Variants in TDO2 observed in about 807,000 individuals in gnomAD.
TDO2 encodes the protein tryptophan 2,3-dioxygenase.
In TDO2, 63 loss-of-function variants were observed where a neutral mutation model predicts 61.2. The observed-to-expected ratio is 1.03, with a 90% CI of 0.84 to 1.27. TDO2 has a LOEUF of 1.27. Ranked by LOEUF, TDO2 falls within the 50% of genes most tolerant of loss-of-function variation. TDO2 has a pLI of 0.00. For missense variants in TDO2, 494 were observed against 469.5 expected (o/e 1.05, Z -0.48); for synonymous variants, 183 against 164.0 (o/e 1.12, Z -0.89).
chr4:155,915,214 T>G (rs1742909449), intron 8 of TDO2, among the ~76,000 whole-genome samples: 1 of 152,190 alleles, frequency 6.6e-6, no homozygotes, highest in Non-Finnish European at 1.5e-5. Context: ...TCCCAAACCT[T>G]TTTGGAAATA....
intron 10 of TDO2, 76 bp downstream of exon 10, chr4:155,917,550 C>A: frequency 1.7e-6 from 2 of 1,182,064 alleles, no homozygotes; most frequent in Non-Finnish European, 2.4e-6. Flanking sequence ...CTTCTGTGTG[C>A]CCTCCTGCCC....
rs140817974 is a variant in TDO2 at position 155,916,098 on chromosome 4, A to T, written c.896+186A>T. On this transcript the variant is annotated intron_variant, in intron 9 of 11. Coordinates refer to ENST00000536354, the MANE Select transcript of TDO2 (RefSeq NM_005651.4). ...CCCTTTTTTTTTCTTTTAAATAGTA[A>T]AGGCATAACTTTTTCCCTGAACAGG... 5.6e-3 allele frequency among the ~76,000 whole-genome samples: 850 copies of T among 152,054 alleles called. 6 individuals are homozygous for T. Among genetic ancestry groups the T allele is most frequent in the African/African-American group, 0.02 (814 of 41,476 alleles).
Position 155,909,074 on chromosome 4 carries a change from T to G in TDO2, c.431+60T>G. 3 of 1,502,124 alleles carry G rather than the reference T, an allele frequency of 2.0e-6. No homozygotes were observed. In the South Asian group the frequency reaches 3.9e-5, roughly 20 times the overall value. 93.0% of individuals were successfully genotyped at this position (1,502,124 alleles called of 1,614,324 possible). ...AATTTACTTTCTCATTTTGGTGGGG[T>G]AAAAGCAGCATGTGTGTGTTTTGTG... On this transcript the variant is annotated intron_variant, in intron 5 of 11. Transcript: ENST00000536354.
intron 7 of TDO2, among the ~76,000 whole-genome samples, chr4:155,912,601 A>G (rs1208179068): frequency 6.6e-6 from 1 of 151,762 alleles, no homozygotes; most frequent in Non-Finnish European, 1.5e-5. Context: ...ACTTGCTCTT[A>G]TTTCTCTCTC....
At position 155,915,544 on chromosome 4, in the gene TDO2, C is replaced by G. The variant is rs753930183; in HGVS notation, c.839-311C>G. 1.3e-5 allele frequency among the ~76,000 whole-genome samples: 2 copies of G among 152,144 alleles called. 1 individual carries two copies. The highest frequency in any genetic ancestry group is 6.3e-3 in the Middle Eastern group (2 of 316). On this transcript the variant is annotated intron_variant, in intron 8 of 11. Coordinates refer to ENST00000536354, the MANE Select transcript of TDO2 (RefSeq NM_005651.4). ...GAAATGAAAGACACATATTCTTTTA[C>G]TCGGAAAATGAATTTTATTATGAAA...
At chr4:155,919,267 CCAGATTTATTTAA>C (rs1258986234) in intron 11 of TDO2, among the ~76,000 whole-genome samples, 4 of 152,072 alleles carry the variant, frequency 2.6e-5, no homozygotes, top group Non-Finnish European at 5.9e-5. Flanking sequence ...GAATTTGAAC[CCAGATTTATTTAA>C]CTTCAAAGGC....
chr4:155,905,234 C>A, intron 3 of TDO2, 77 bp downstream of exon 3: 1 of 1,072,316 alleles, frequency 9.3e-7, no homozygotes, highest in Non-Finnish European at 1.4e-6. Flanking sequence ...AATTTTTAAA[C>A]TACAAAATGA....
In TDO2 at chr4:155,920,116, A is replaced by G; in HGVS notation, c.*126A>G. The G allele has an allele frequency of 1.2e-6, 1 of 839,318 alleles. No individual in the cohort carries two copies. The highest frequency in any genetic ancestry group is 3.0e-5 in the Admixed American group (1 of 33,182). The allele number at this position is 839,318 out of a possible 1,614,324, so 52.0% of individuals were successfully genotyped here. A position where few individuals can be genotyped will look rare whatever the true frequency, so the allele number is the denominator to read the frequency against. On this transcript the variant is annotated 3_prime_UTR_variant, in exon 12 of 12. Coordinates refer to ENST00000536354, the MANE Select transcript of TDO2 (RefSeq NM_005651.4). ...GTTCAGCACCACGATGCTCTGATTT[A>G]ATTCTAGAAACAATTTGATTACCTC...
rs1447352589 is a variant in TDO2, at chr4:155,920,051, A to G, written c.*61A>G. 6.7e-7 allele frequency: 1 copy of G among 1,500,610 alleles called. No homozygotes were observed. Among genetic ancestry groups the G allele is most frequent in the African/African-American group, 1.4e-5 (1 of 71,628 alleles). 93.0% of individuals were successfully genotyped at this position (1,500,610 alleles called of 1,614,324 possible). On this transcript the variant is annotated 3_prime_UTR_variant, in exon 12 of 12. Transcript: ENST00000536354. ...ACAGCCTATTTTTTATTTTCTATGG[A>G]TTTTCATAAATACAGTTTGAATATA...
intron 6 of TDO2, among the ~76,000 whole-genome samples, chr4:155,910,636 C>T (rs1742812714): frequency 6.6e-6 from 1 of 152,090 alleles, no homozygotes; most frequent in South Asian, 2.1e-4. Context: ...ATATACACCT[C>T]AGAAAATGTT....
intron 5 of TDO2, 96 bp downstream of exon 5, chr4:155,909,110 C>T: frequency 2.3e-6 from 3 of 1,282,882 alleles, no homozygotes; most frequent in Non-Finnish European, 3.1e-6. Flanking sequence ...CCATGAGGAG[C>T]CTGTCTTACT....
intron 9 of TDO2, among the ~76,000 whole-genome samples, chr4:155,916,313 G>T (rs377310566): frequency 6.9e-6 from 1 of 143,912 alleles, no homozygotes; most frequent in Non-Finnish European, 1.5e-5. Flanking sequence ...GACTACAGGC[G>T]CCCACCACCA....
At position 155,919,824 on chromosome 4, in the gene TDO2, T is replaced by G; in HGVS notation, c.1068-13T>G. ...TCAACCAATGTAACACATCTTCATG[T>G]ATGTTTTTCCAGTGATAGGTACAAG... On this transcript the variant is annotated splice_polypyrimidine_tract_variant and intron_variant, in intron 11 of 11. Coordinates refer to ENST00000536354, the MANE Select transcript of TDO2 (RefSeq NM_005651.4). 1.3e-6 allele frequency: 2 copies of G among 1,588,748 alleles called. No individual in the cohort carries two copies. Among genetic ancestry groups the G allele is most frequent in the Non-Finnish European group, 1.7e-6 (2 of 1,168,638 alleles).
chr4:155,916,447 C>CAT (rs1227796703), intron 9 of TDO2, among the ~76,000 whole-genome samples: 369 of 2,068 alleles, frequency 0.18, 7 homozygotes, highest in Middle Eastern at 0.5. Flanking sequence ...GGATTACAAG[C>CAT]GTCTAAAAAG....
At chr4:155,912,880 C>T (rs2110877080) in intron 7 of TDO2, among the ~76,000 whole-genome samples, 1 of 152,248 alleles carries the variant, frequency 6.6e-6, no homozygotes. Flanking sequence ...CACTCTTGTA[C>T]CAACATTGTC....
At chr4:155,906,255 G>T (rs944482036) in intron 3 of TDO2, 4 of 151,956 alleles carry the variant, frequency 2.6e-5, no homozygotes, top group African/African-American at 9.7e-5. Context: ...TGCAACAAAT[G>T]GTAGCTATCA....
At chr4:155,907,655 C>A (rs1742741764) in intron 3 of TDO2, 67 bp from the exon 4 acceptor site, 3 of 993,178 alleles carry the variant, frequency 3.0e-6, no homozygotes, top group Non-Finnish European at 4.7e-6. Context: ...TTAAACATAT[C>A]TTTCATATAA....
rs775992302 is a variant in TDO2 at position 155,905,164 on chromosome 4, T to G, written c.232+7T>G. 1.3e-6 allele frequency: 2 copies of G among 1,566,892 alleles called. No individual in the cohort carries two copies. The highest frequency in any genetic ancestry group is 1.7e-6 in the Non-Finnish European group (2 of 1,157,462). ...TTTATCATAACTCATCAAGGTAAGT[T>G]GCACAAAGGTTTTGGACAATATTCC... On this transcript the variant is annotated splice_region_variant and intron_variant, in intron 3 of 11. Coordinates refer to ENST00000536354, the MANE Select transcript of TDO2 (RefSeq NM_005651.4).
chr4:155,913,448 C>G (rs139874102), intron 7 of TDO2, among the ~76,000 whole-genome samples: 5 of 151,988 alleles, frequency 3.3e-5, no homozygotes, highest in Non-Finnish European at 5.9e-5. Flanking sequence ...GATCTTGGCT[C>G]GAGGAAAACT....
Sources: gnomAD v4.1 joint callset for allele counts (sites outside exome capture counted in the v4.1 genomes callset) on GRCh38, gnomAD v4.1.1 for gene constraint, MANE v1.5 for transcripts, NCBI Gene and HGNC (gene_info 2026-07-23, HGNC 2026-07-21) for gene names.